GON4L: variants seen among roughly 807,000 people sequenced by gnomAD.
The protein encoded by GON4L is gon-4 like.
A neutral mutation model predicts 211.8 loss-of-function variants in GON4L; 87 were observed. The observed-to-expected ratio is 0.41, with a 90% confidence interval of 0.35 to 0.49. GON4L has a LOEUF of 0.49. Ranked by LOEUF, GON4L falls within the 20% of genes least tolerant of loss-of-function variation. The pLI, the probability that GON4L is intolerant of heterozygous loss-of-function variation, is 0.15. For synonymous variants in GON4L, 875 were observed against 962.6 expected (o/e 0.91, Z 1.68); for missense variants, 2,155 against 2,659.5 (o/e 0.81, Z 4.17).
intron 10 of GON4L, among the ~76,000 whole-genome samples, chr1:155,808,357 A>C (rs557865617): frequency 6.6e-6 from 1 of 151,734 alleles, no homozygotes; most frequent in Non-Finnish European, 1.5e-5. Flanking sequence ...AATGTTTAAA[A>C]TAAAATCTAC....
At chr1:155,767,123 A>G (rs1662596360) in intron 20 of GON4L, 2 of 665,102 alleles carry the variant, frequency 3.0e-6, no homozygotes, top group African/African-American at 3.6e-5. Context: ...GACAGTCTCA[A>G]GGCATCTTTC....
intron 11 of GON4L, among the ~76,000 whole-genome samples, chr1:155,802,313 G>GGT (rs386368381): frequency 4.6e-5 from 1 of 21,752 alleles, no homozygotes; most frequent in South Asian, 1.8e-3. Flanking sequence ...CATTTTCCTT[G>GGT]GGGGGGGGGA....
chr1:155,821,627 G>C (rs2102256366), intron 4 of GON4L, 79 bp from the exon 5 acceptor site: 1 of 840,324 alleles, frequency 1.2e-6, no homozygotes, highest in African/African-American at 1.7e-5. Context: ...GTAACTGTCA[G>C]ACCTATGTAC....
In GON4L at chr1:155,760,426, T is replaced by C; in HGVS notation, c.5109+18A>G. ...TGACCCAGGAGTCCCAGTGTACTTT[T>C]TTTCCCCATTCACTTACTAATCCAC... On this transcript the variant is annotated intron_variant, in intron 24 of 31. Transcript: ENST00000368331. The C allele has an allele frequency of 6.5e-7, 1 of 1,544,190 alleles. No homozygotes were observed. Among genetic ancestry groups the C allele is most frequent in the Admixed American group, 1.7e-5 (1 of 57,160 alleles).
At chr1:155,815,268 A>G (rs1310889186) in intron 8 of GON4L, among the ~76,000 whole-genome samples, 1 of 152,236 alleles carries the variant, frequency 6.6e-6, no homozygotes, top group African/African-American at 2.4e-5. Flanking sequence ...AACGAAGTAT[A>G]GCTAAAACCA....
In GON4L at chr1:155,842,761, C is replaced by T. The variant is rs530409141; in HGVS notation, c.505+10515G>A. The stretch of plus-strand genomic sequence containing the variant: ...CTGAGGCAGGGGAATCACTTGAACC[C>T]GGGAGGCGGAGGTTGCAGTGAGCCA... On this transcript the variant is annotated intron_variant, in intron 2 of 31. Coordinates refer to ENST00000368331, the MANE Select transcript of GON4L (RefSeq NM_001282860.2). Among the ~76,000 whole-genome samples, 4 of 151,660 alleles carry T rather than the reference C, an allele frequency of 2.6e-5. No individual in the cohort carries two copies. In the South Asian group the frequency reaches 6.2e-4, roughly 24 times the overall value.
chr1:155,774,433 C>T (rs1303537883), intron 17 of GON4L, among the ~76,000 whole-genome samples: 4 of 151,770 alleles, frequency 2.6e-5, no homozygotes, highest in African/African-American at 9.7e-5. Flanking sequence ...CTCAGCCTCC[C>T]GAGTAGCTGG....
At chr1:155,807,386 A>G (rs185108127) in intron 10 of GON4L, among the ~76,000 whole-genome samples, 25 of 152,190 alleles carry the variant, frequency 1.6e-4, no homozygotes, top group Non-Finnish European at 1.5e-5. Context: ...TGGGCAACAG[A>G]GCAAGACTCT....
Position 155,760,548 on chromosome 1 carries a change from C to T in GON4L, c.5005G>A (p.Val1669Ile), listed in dbSNP as rs762525677. The change falls in exon 24 of 32, where the codon GTA (valine) becomes ATA (isoleucine). Residue 1669 changes from valine to isoleucine, a missense_variant. By Grantham distance (29) the Val-to-Ile change is conservative. This residue lies in a region of GON4L where 455 missense variants were observed against 504.6 expected (regional missense o/e 0.90). Coordinates refer to ENST00000368331, the MANE Select transcript of GON4L (RefSeq NM_001282860.2). Reference sequence around the variant, plus strand: ...ATTTGCAGGCTTTTGTAGAGATCTACAGCCGTCCGTCTCTGGGTACTTGAC... The same window carrying T: ...ATTTGCAGGCTTTTGTAGAGATCTATAGCCGTCCGTCTCTGGGTACTTGAC... ...FESSTQRRTAVDLYKSLQILL... is the reference protein window; with the variant it reads ...FESSTQRRTAIDLYKSLQILL... 1.4e-5 allele frequency: 22 copies of T among 1,612,898 alleles called. No homozygotes were observed. Among genetic ancestry groups the T allele is most frequent in the Non-Finnish European group, 1.7e-5 (20 of 1,179,000 alleles).
intron 9 of GON4L, 49 bp from the exon 10 acceptor site, chr1:155,813,853 AAG>A: frequency 6.5e-7 from 1 of 1,530,014 alleles, no homozygotes; most frequent in Non-Finnish European, 9.0e-7. Context: ...GTAAGAAAGA[AAG>A]AGAAAGCAAA....
rs560018122 is a variant in GON4L at position 155,767,074 on chromosome 1, G to A, written c.2763+351C>T. 8.4e-6 allele frequency: 5 copies of A among 597,600 alleles called. No homozygotes were observed. The South Asian group carries it at 1.1e-4, about 13-fold the overall frequency. 37.0% of individuals were successfully genotyped at this position (597,600 alleles called of 1,614,324 possible). On this transcript the variant is annotated intron_variant, in intron 20 of 31. Transcript: ENST00000368331. ...CAAAACAACAACAAAAAAAGAATTT[G>A]GGAAAAACAATAGGGCTTTCTAGGT... is the stretch of plus-strand genomic sequence containing the variant.
At chr1:155,818,491 A>G (rs535660037) in intron 6 of GON4L, among the ~76,000 whole-genome samples, 1 of 152,298 alleles carries the variant, frequency 6.6e-6, no homozygotes, top group African/African-American at 2.4e-5. Flanking sequence ...GCTACCACCT[A>G]TTCATTTGTG....
chr1:155,816,429 TAGAA>T (rs1259586808), intron 6 of GON4L, among the ~76,000 whole-genome samples, 167 bp from the exon 7 acceptor site: 2 of 152,344 alleles, frequency 1.3e-5, no homozygotes, highest in African/African-American at 4.8e-5. Flanking sequence ...TTGTCAGAGT[TAGAA>T]AGAAGAAACC....
At chr1:155,804,826 T>A (rs1158640741) in intron 11 of GON4L, 123 bp downstream of exon 11, 8 of 763,596 alleles carry the variant, frequency 1.0e-5, no homozygotes, top group African/African-American at 1.8e-5. Context: ...TAAGATAAAT[T>A]ATCAGTTAAA....
intron 6 of GON4L, among the ~76,000 whole-genome samples, chr1:155,820,151 T>C (rs1482694398): frequency 6.6e-6 from 1 of 151,974 alleles, no homozygotes; most frequent in Non-Finnish European, 1.5e-5. Context: ...TGACTTCAAG[T>C]GATCCATCTG....
At chr1:155,749,051 C>T (rs1660362678), downstream of GON4L, among the ~76,000 whole-genome samples, 1 of 152,054 alleles carries the variant, frequency 6.6e-6, no homozygotes, top group Non-Finnish European at 1.5e-5. Context: ...GCCAGGAATT[C>T]GAGACCAGCC....
intron 11 of GON4L, among the ~76,000 whole-genome samples, chr1:155,799,378 G>T (rs571370684): frequency 6.6e-6 from 1 of 152,288 alleles, no homozygotes; most frequent in African/African-American, 2.4e-5. Context: ...AGGTGGCAGT[G>T]AGCCAAGATC....
At chr1:155,780,950 T>C (rs973784712) in intron 14 of GON4L, among the ~76,000 whole-genome samples, 1 of 152,114 alleles carries the variant, frequency 6.6e-6, no homozygotes, top group African/African-American at 2.4e-5. Context: ...TTTTATAGTA[T>C]TTACTGTGGG....
chr1:155,827,059 T>C, intron 2 of GON4L, 31 bp from the exon 3 acceptor site: 1 of 1,486,696 alleles, frequency 6.7e-7, no homozygotes, highest in Non-Finnish European at 9.4e-7. Context: ...GCTCCACACT[T>C]TGACCATTCT....
Sources: gnomAD v4.1 joint callset for allele counts (sites outside exome capture counted in the v4.1 genomes callset) on GRCh38, gnomAD v4.1.1 for gene constraint, gnomAD v4.1.1 regional missense constraint, MANE v1.5 for transcripts, NCBI Gene and HGNC (gene_info 2026-07-23, HGNC 2026-07-21) for gene names.